PLEKHA1: variants seen among roughly 807,000 people sequenced by gnomAD.
The protein encoded by PLEKHA1 is pleckstrin homology domain containing A1.
Under a neutral mutation model 52.0 loss-of-function variants are expected in PLEKHA1, and 34 were observed. That is an observed-to-expected ratio of 0.65 (90% CI 0.50 to 0.87). PLEKHA1 has a LOEUF of 0.87. Among genes scored for constraint, PLEKHA1 ranks in the 40% least tolerant of loss-of-function variants. PLEKHA1 has a pLI of 0.00. For synonymous variants in PLEKHA1, 163 were observed against 170.7 expected (o/e 0.95, Z 0.35); for missense variants, 497 against 504.2 (o/e 0.99, Z 0.14).
chr10:122,416,016 C>A lies in PLEKHA1; in HGVS notation c.612+14C>A, dbSNP rs763254943. 1 of 1,585,948 alleles carries A rather than the reference C, an allele frequency of 6.3e-7. No individual in the cohort carries two copies. Among genetic ancestry groups the A allele is most frequent in the Non-Finnish European group, 8.6e-7 (1 of 1,167,150 alleles). ...CAAGGAGCAGTGGTGAGTAGCTTAA[C>A]AAAATACATGAAATAATGAAAAAGG... On this transcript the variant is annotated intron_variant, in intron 7 of 11. Coordinates refer to ENST00000368990, the MANE Select transcript of PLEKHA1 (RefSeq NM_001001974.4).
chr10:122,429,342 G>C (rs540869639), intron 11 of PLEKHA1, among the ~76,000 whole-genome samples: 1 of 152,296 alleles, frequency 6.6e-6, no homozygotes, highest in African/African-American at 2.4e-5. Context: ...AATCTTCAAA[G>C]TGTCATAGGC....
chr10:122,387,358 A>G (rs1047189751), intron 1 of PLEKHA1: 2 of 152,152 alleles, frequency 1.3e-5, no homozygotes, highest in Non-Finnish European at 2.9e-5. Flanking sequence ...CATTTAGTTA[A>G]GAATGTTTTC....
At chr10:122,435,252 G>GT (rs2097433916), downstream of PLEKHA1, 1 of 152,024 alleles carries the variant, frequency 6.6e-6, no homozygotes, top group African/African-American at 2.4e-5. Flanking sequence ...TAGGATTTGT[G>GT]TATGTTATCT....
intron 4 of PLEKHA1, 48 bp downstream of exon 4, chr10:122,400,436 T>A (rs1289359127): frequency 6.6e-7 from 1 of 1,506,854 alleles, no homozygotes; most frequent in East Asian, 2.3e-5. Context: ...TATAATTGTA[T>A]CATATTGTAA....
At chr10:122,419,533 A>G (rs1197396185) in intron 8 of PLEKHA1, 1 of 152,162 alleles carries the variant, frequency 6.6e-6, no homozygotes, top group African/African-American at 2.4e-5. Flanking sequence ...AGAGTCATTC[A>G]TGCAGCAGAC....
chr10:122,413,423 CT>C (rs1332077684), intron 6 of PLEKHA1, among the ~76,000 whole-genome samples: 4 of 152,080 alleles, frequency 2.6e-5, no homozygotes, highest in African/African-American at 9.7e-5. Context: ...TACAAATCCT[CT>C]ATTGGACAAA....
chr10:122,428,428 TA>T, intron 11 of PLEKHA1: 1 of 1,441,860 alleles, frequency 6.9e-7, no homozygotes, highest in Non-Finnish European at 9.2e-7. Context: ...AAAGTTGAGT[TA>T]ACCAAACTGC....
chr10:122,381,395 C>T (rs978965251), intron 1 of PLEKHA1, among the ~76,000 whole-genome samples: 2 of 152,162 alleles, frequency 1.3e-5, no homozygotes, highest in African/African-American at 2.4e-5. Flanking sequence ...TTGGAGGAGG[C>T]GCCTGTTGGG....
chr10:122,376,453 G>A (rs571516684), intron 1 of PLEKHA1, among the ~76,000 whole-genome samples: 1 of 150,154 alleles, frequency 6.7e-6, no homozygotes, highest in Non-Finnish European at 1.5e-5. Flanking sequence ...CTCTTGTAGC[G>A]TATACCTGTA....
At chr10:122,414,933 C>T (rs917888683) in intron 6 of PLEKHA1, among the ~76,000 whole-genome samples, 11 of 151,830 alleles carry the variant, frequency 7.2e-5, no homozygotes, top group African/African-American at 2.4e-4. Flanking sequence ...GATTACTGTA[C>T]AACCCAGCAT....
chr10:122,375,038 C>T (rs1286183659), intron 1 of PLEKHA1: 1 of 152,030 alleles, frequency 6.6e-6, no homozygotes, highest in Non-Finnish European at 1.5e-5. Flanking sequence ...CGGGCCGGCT[C>T]ACCTGCCCTG....
intron 1 of PLEKHA1, among the ~76,000 whole-genome samples, chr10:122,385,746 T>TA (rs1336202325): frequency 3.3e-5 from 5 of 152,242 alleles, no homozygotes; most frequent in Non-Finnish European, 7.3e-5. Context: ...CCCATATCCT[T>TA]TTTGGTCTGG....
chr10:122,391,178 A>ATAC (rs1228547447), intron 1 of PLEKHA1, among the ~76,000 whole-genome samples: 1 of 151,718 alleles, frequency 6.6e-6, no homozygotes, highest in African/African-American at 2.4e-5. Flanking sequence ...TGTATTCTGG[A>ATAC]TACTAGATCC....
At chr10:122,423,916 T>C in intron 8 of PLEKHA1, 1 of 368,294 alleles carries the variant, frequency 2.7e-6, no homozygotes, top group Admixed American at 4.8e-5. Flanking sequence ...GAAAGTCTGA[T>C]GGCTAATAGC....
At chr10:122,387,384 T>G (rs1217922231) in intron 1 of PLEKHA1, 2 of 152,194 alleles carry the variant, frequency 1.3e-5, no homozygotes, top group African/African-American at 4.8e-5. Flanking sequence ...TCCCTTTTGA[T>G]TTCTTCTTTT....
intron 4 of PLEKHA1, among the ~76,000 whole-genome samples, chr10:122,402,748 T>C (rs572772521): frequency 6.6e-6 from 1 of 152,306 alleles, no homozygotes; most frequent in South Asian, 2.1e-4. Context: ...ATGGGATGTG[T>C]GGTGTCTCCA....
At chr10:122,390,130 G>A (rs1319714146) in intron 1 of PLEKHA1, among the ~76,000 whole-genome samples, 4 of 152,178 alleles carry the variant, frequency 2.6e-5, no homozygotes, top group Non-Finnish European at 5.9e-5. Context: ...TTCTTTAAAA[G>A]TCATGAACCA....
chr10:122,396,389 C>A (rs2096849861), intron 2 of PLEKHA1, among the ~76,000 whole-genome samples: 1 of 151,966 alleles, frequency 6.6e-6, no homozygotes, highest in Admixed American at 6.5e-5. Context: ...CATAAGAATA[C>A]AAATAGCTTT....
intron 3 of PLEKHA1, among the ~76,000 whole-genome samples, chr10:122,399,664 G>A (rs1225173943): frequency 6.6e-6 from 1 of 152,028 alleles, no homozygotes; most frequent in Admixed American, 6.6e-5. Flanking sequence ...CTCACTGCAA[G>A]CTCCGTCCCC....
Sources: allele counts gnomAD v4.1 joint callset (sites outside exome capture counted in the v4.1 genomes callset), GRCh38; gene constraint gnomAD v4.1.1; transcripts MANE v1.5; gene names NCBI Gene and HGNC (gene_info 2026-07-23, HGNC 2026-07-21).